The following PFKFB4 variants were observed in gnomAD, a reference collection of about 807,000 sequenced individuals.
PFKFB4 encodes 6-phosphofructo-2-kinase/fructose-2,6-bisphosphatase 4.
PFKFB4 carries 42 observed loss-of-function variants against 62.8 expected under a neutral mutation model. That is an observed-to-expected ratio of 0.67 (90% confidence interval 0.52 to 0.86). The LOEUF is 0.86. PFKFB4 is among the 40% of genes least tolerant of loss of function. The pLI is 0.00. For synonymous variants in PFKFB4, 204 were observed against 240.7 expected (o/e 0.85, Z 1.41); for missense variants, 475 against 627.2 (o/e 0.76, Z 2.59).
chr3:48,558,076 C>A (rs1005874764), upstream of PFKFB4, among the ~76,000 whole-genome samples: 1 of 152,168 alleles, frequency 6.6e-6, no homozygotes, highest in African/African-American at 2.4e-5. Flanking sequence ...GTATGTCAAT[C>A]TCTAAGAAAT....
chr3:48,522,340 G>C (rs2042122316), intron 12 of PFKFB4, among the ~76,000 whole-genome samples: 1 of 152,162 alleles, frequency 6.6e-6, no homozygotes, highest in African/African-American at 2.4e-5. Flanking sequence ...CCTAAGTTGA[G>C]GTTACTGACT....
At chr3:48,546,874 C>T (rs573703332) in intron 3 of PFKFB4, among the ~76,000 whole-genome samples, 1 of 152,304 alleles carries the variant, frequency 6.6e-6, no homozygotes, top group Admixed American at 6.5e-5. Flanking sequence ...TGGCAGACAA[C>T]ATTTTACACA....
At chr3:48,554,057 G>T (rs1228673969) in intron 1 of PFKFB4, among the ~76,000 whole-genome samples, 2 of 152,142 alleles carry the variant, frequency 1.3e-5, no homozygotes, top group Non-Finnish European at 2.9e-5. Flanking sequence ...GCGGGGGCGT[G>T]CCTGTGGGAG....
At chr3:48,550,304 G>A in intron 1 of PFKFB4, 70 bp from the exon 2 acceptor site, 1 of 998,870 alleles carries the variant, frequency 1.0e-6, no homozygotes, top group South Asian at 1.3e-5. Flanking sequence ...CTCTCAGCCT[G>A]TGGTCTCTCA....
Position 48,525,631 on chromosome 3 carries a change from A to T in PFKFB4, c.1026T>A (p.Asp342Glu). 6.2e-7 allele frequency: 1 copy of T among 1,607,818 alleles called. No homozygotes were observed. The highest frequency in any genetic ancestry group is 1.3e-5 in the African/African-American group (1 of 74,610). Residue 342 changes from aspartate (D) to glutamate (E), a missense_variant, in exon 10 of 14, where the codon GAT becomes GAA. Coordinates refer to ENST00000232375, the MANE Select transcript of PFKFB4 (RefSeq NM_004567.4). Reference protein sequence around the residue: ...CEEMTYEEIQDNYPLEFALRD... With the variant: ...CEEMTYEEIQENYPLEFALRD... ...GCAGGGCGAACTCCAGTGGATAATT[A>T]TCCTGAATTTCCTCGTAGGTCATTT...
At chr3:48,525,848 C>A (rs547997747) in intron 9 of PFKFB4, 179 bp from the exon 10 acceptor site, 1 of 407,472 alleles carries the variant, frequency 2.5e-6, no homozygotes, top group East Asian at 3.8e-5. Flanking sequence ...ATTGGTGGTT[C>A]CTTGCTTGTA....
chr3:48,524,192 A>G (rs1196374394), intron 10 of PFKFB4, among the ~76,000 whole-genome samples: 1 of 152,230 alleles, frequency 6.6e-6, no homozygotes, highest in Non-Finnish European at 1.5e-5. Flanking sequence ...AACAGAGTGC[A>G]CTGACAAGAG....
intron 3 of PFKFB4, 146 bp downstream of exon 3, chr3:48,549,718 G>C (rs1356385878): frequency 1.2e-5 from 8 of 641,968 alleles, no homozygotes; most frequent in Non-Finnish European, 2.0e-5. Flanking sequence ...ATCAGGGCTG[G>C]GCAAGGCCAG....
upstream of PFKFB4, chr3:48,559,898 C>CACACACACACACACA (rs2043405687): frequency 5.2e-6 from 1 of 190,898 alleles, no homozygotes; most frequent in African/African-American, 2.8e-5. Flanking sequence ...AACCATCCCA[C>CACACACACACACACA]CACACACACA....
chr3:48,543,991 G>A, intron 3 of PFKFB4, among the ~76,000 whole-genome samples: 1 of 145,360 alleles, frequency 6.9e-6, no homozygotes. Context: ...ATCAAAATAA[G>A]CCCCCCCCCG....
At chr3:48,556,902 C>T (rs1022965470), upstream of PFKFB4, 1 of 1,422,092 alleles carries the variant, frequency 7.0e-7, no homozygotes, top group African/African-American at 1.5e-5. The surrounding 1 kb of genome is among the most constrained non-coding windows in gnomAD (Gnocchi z 5.7). Context: ...TGTCTATCTT[C>T]CCGCAGGTCC....
chr3:48,518,566 G>A lies in PFKFB4; in HGVS notation c.*1181C>T, dbSNP rs532370521. On this transcript the variant is annotated 3_prime_UTR_variant, in exon 14 of 14. Transcript: ENST00000232375. ...CTCTCTGGGACCAAAAGAACTCAGG[G>A]GCATGACAGACACTGGACTTCACAA... is the stretch of plus-strand genomic sequence containing the variant. 28 of 152,322 alleles carry A rather than the reference G, an allele frequency of 1.8e-4. No homozygotes were observed. The highest frequency in any genetic ancestry group is 6.5e-4 in the African/African-American group (27 of 41,572). 9.4% of individuals were successfully genotyped at this position (152,322 alleles called of 1,614,324 possible).
Position 48,553,061 on chromosome 3 carries a change from G to A in PFKFB4, c.98-2827C>T, listed in dbSNP as rs183203123. 2.0e-5 allele frequency among the ~76,000 whole-genome samples: 3 copies of A among 152,352 alleles called. No individual in the cohort carries two copies. The East Asian group carries it at 5.8e-4, about 29-fold the overall frequency. On this transcript the variant is annotated intron_variant, in intron 1 of 13. Transcript: ENST00000232375. ...GAAATTGCCAACTGAGGCACAACAA[G>A]GAGGGAACACATTGCAGCTCTCAAA...
chr3:48,519,872 G>A (rs771989230), intron 13 of PFKFB4, 66 bp from the exon 14 acceptor site: 214 of 1,286,982 alleles, frequency 1.7e-4, no homozygotes, highest in Non-Finnish European at 2.2e-4. Flanking sequence ...GCTGTCTGCC[G>A]TCCTCATCAC....
In PFKFB4 at chr3:48,535,008, C is replaced by A. The variant is rs2042548467; in HGVS notation, c.987+504G>T. Among the ~76,000 whole-genome samples the A allele has an allele frequency of 2.0e-5, 3 of 152,200 alleles. No individual in the cohort carries two copies. The South Asian group carries it at 6.2e-4, about 32-fold the overall frequency. On this transcript the variant is annotated intron_variant, in intron 9 of 13. Transcript: ENST00000232375. ...ATTTTCAGTAGAGATGGGGTTTCAC[C>A]ATGTTGGCCAGGCTGGACTCAAACT...
intron 3 of PFKFB4, among the ~76,000 whole-genome samples, chr3:48,549,368 G>A (rs2043057574): frequency 1.3e-5 from 2 of 152,106 alleles, no homozygotes; most frequent in Admixed American, 1.3e-4. Context: ...CCTGGGGCAA[G>A]GGAGGAAGCC....
Position 48,550,123 on chromosome 3 carries a change from G to A in PFKFB4, c.209C>T (p.Thr70Ile). 2 of 1,610,384 alleles carry A rather than the reference G, an allele frequency of 1.2e-6. No individual in the cohort carries two copies. Among genetic ancestry groups the A allele is most frequent in the Non-Finnish European group, 1.7e-6 (2 of 1,176,554 alleles). ...CAGCTGGGGCCAAGCCTCACCCCGAGTGGGCACACCAATCCAGTTCAGGTA... is the reference window on the plus strand; with the variant it reads ...CAGCTGGGGCCAAGCCTCACCCCGAATGGGCACACCAATCCAGTTCAGGTA... Reference protein sequence around the residue: ...TRYLNWIGVPTREFNVGQYRR... With the variant: ...TRYLNWIGVPIREFNVGQYRR... Residue 70 changes from threonine to isoleucine, a missense_variant, in exon 2 of 14, where the codon ACT (threonine) becomes ATT (isoleucine). Physicochemically the swap from Thr to Ile is moderately conservative, Grantham distance 89. Transcript: ENST00000232375.
rs146341997 is a variant in PFKFB4 at position 48,525,654 on chromosome 3, T to C, written c.1003A>G (p.Met335Val). 8.7e-6 allele frequency: 14 copies of C among 1,604,566 alleles called. No homozygotes were observed. The African/African-American group carries it at 1.9e-4, about 22-fold the overall frequency. The stretch of plus-strand genomic sequence containing the variant: ...TTATCCTGAATTTCCTCGTAGGTCA[T>C]TTCCTCACAGACGCCCTAGGGAGAT... Reference protein sequence around the residue: ...NEIDAGVCEEMTYEEIQDNYP... With the variant: ...NEIDAGVCEEVTYEEIQDNYP... Residue 335 changes from methionine (M) to valine (V), a missense_variant, in exon 10 of 14, where the codon ATG becomes GTG. By Grantham distance (21) the Met-to-Val change is conservative. Transcript: ENST00000232375.
chr3:48,521,990 G>A lies in PFKFB4; in HGVS notation c.1346C>T (p.Pro449Leu). ...CAGCAGTGACCCCATTGCTACCTGAGGCCTGTCCCGGTGCGTGTTCACAGC... is the reference window on the plus strand; with the variant it reads ...CAGCAGTGACCCCATTGCTACCTGAAGCCTGTCCCGGTGCGTGTTCACAGC... ...VAAVNTHRDR[P>L]QNVDISRPPE... The change falls in exon 13 of 14, where the codon CCT (proline) becomes CTT (leucine). Residue 449 changes from proline (P) to leucine (L), a missense_variant. Transcript: ENST00000232375. The surrounding 1 kb of genome is among the most constrained non-coding windows in gnomAD (Gnocchi z 5.3). 6.2e-7 allele frequency: 1 copy of A among 1,613,866 alleles called. No individual in the cohort carries two copies. The highest frequency in any genetic ancestry group is 1.1e-5 in the South Asian group (1 of 91,086).
Sources: allele counts gnomAD v4.1 joint callset (sites outside exome capture counted in the v4.1 genomes callset), GRCh38; gene constraint gnomAD v4.1.1; non-coding constraint Gnocchi (gnomAD v3.1); transcripts MANE v1.5; gene names NCBI Gene and HGNC (gene_info 2026-07-23, HGNC 2026-07-21).